The following ARHGEF3 variants were observed in gnomAD, a reference collection of about 807,000 sequenced individuals.
ARHGEF3 encodes the protein 59.8 kDA protein.
ARHGEF3 carries 28 observed loss-of-function variants against 63.2 expected under a neutral mutation model. The ratio of observed to expected loss-of-function variants is 0.44; its 90% CI spans 0.33 to 0.61. ARHGEF3 has a LOEUF of 0.61. ARHGEF3 is among the 20% of genes least tolerant of loss of function. The pLI is 0.03. For missense variants in ARHGEF3, 533 were observed against 659.3 expected (o/e 0.81, Z 2.10); for synonymous variants, 266 against 254.2 (o/e 1.05, Z -0.44).
chr3:56,967,869 T>TAC (rs1255458994), intron 2 of ARHGEF3, among the ~76,000 whole-genome samples: 2 of 71,052 alleles, frequency 2.8e-5, no homozygotes, highest in Non-Finnish European at 4.7e-5. Context: ...ATGACATATA[T>TAC]AATATATAAT....
rs1005597945 is a variant in ARHGEF3 at position 56,801,279 on chromosome 3, C to CA, written c.96+423dup. Among the ~76,000 whole-genome samples, 22 of 151,808 alleles carry CA rather than the reference C, an allele frequency of 1.4e-4. 1 individual carries two copies. The highest frequency in any genetic ancestry group is 5.9e-4 in the Admixed American group (9 of 15,252). On this transcript the variant is annotated intron_variant, in intron 1 of 9. Transcript: ENST00000296315. ...CGTCCCTCTGCTCTCACAACCCAGG[C>CA]AAAAAAAACTCGCTTAAAGGGTAGC...
At chr3:56,773,425 T>C (rs946130737) in intron 2 of ARHGEF3, among the ~76,000 whole-genome samples, 2 of 152,144 alleles carry the variant, frequency 1.3e-5, no homozygotes, top group African/African-American at 2.4e-5. Context: ...CCCATAGATA[T>C]TTTAGGAAAA....
In ARHGEF3 at chr3:56,916,554, A is replaced by G. The variant is rs2041995753; in HGVS notation, c.130-34200T>C. 6 of 1,257,492 alleles carry G rather than the reference A, an allele frequency of 4.8e-6. No individual in the cohort carries two copies. In the East Asian group the frequency reaches 1.5e-4, roughly 32 times the overall value. The allele number at this position is 1,257,492 out of a possible 1,614,324, so 77.9% of individuals were successfully genotyped here. On this transcript the variant is annotated intron_variant, in intron 3 of 12. Coordinates refer to the ARHGEF3 transcript ENST00000338458. Reference sequence around the variant, plus strand: ...TCAAGAGCTCCCCACCTCTCCTGCTACTGCTGCTTTTGCAGAGCACTCTTT... The same window carrying G: ...TCAAGAGCTCCCCACCTCTCCTGCTGCTGCTGCTTTTGCAGAGCACTCTTT...
At chr3:56,974,497 C>A (rs949544110) in intron 2 of ARHGEF3, among the ~76,000 whole-genome samples, 3 of 152,128 alleles carry the variant, frequency 2.0e-5, no homozygotes, top group African/African-American at 7.2e-5. Flanking sequence ...GTCAGCTGGT[C>A]TAATTAGCAA....
chr3:56,970,919 G>A (rs1300692131), intron 2 of ARHGEF3, among the ~76,000 whole-genome samples: 3 of 152,152 alleles, frequency 2.0e-5, no homozygotes, highest in African/African-American at 7.2e-5. Context: ...TAAAATGAAG[G>A]TACTAACAAG....
intron 2 of ARHGEF3, among the ~76,000 whole-genome samples, chr3:56,987,363 G>A (rs1279394477): frequency 2.0e-5 from 3 of 152,186 alleles, no homozygotes; most frequent in Non-Finnish European, 4.4e-5. Flanking sequence ...TCTGACTTCA[G>A]GGCTCCCCCT....
At chr3:56,915,768 A>C (rs574046490) in intron 3 of ARHGEF3, among the ~76,000 whole-genome samples, 1 of 152,286 alleles carries the variant, frequency 6.6e-6, no homozygotes, top group African/African-American at 2.4e-5. Flanking sequence ...GAAATCTACA[A>C]AACAGTTGCT....
intron 1 of ARHGEF3, among the ~76,000 whole-genome samples, chr3:57,050,196 A>G (rs1280857570): frequency 6.6e-6 from 1 of 152,194 alleles, no homozygotes; most frequent in East Asian, 1.9e-4. Flanking sequence ...CACCTGCAGT[A>G]TTGAAAATAC....
At chr3:56,852,187 G>A (rs114117073) in intron 4 of ARHGEF3, among the ~76,000 whole-genome samples, 2,423 of 152,226 alleles carry the variant, frequency 0.016, 66 homozygotes, top group African/African-American at 0.055. Flanking sequence ...AGAGCTATGG[G>A]TCATTCCGGA....
At chr3:56,842,983 C>T (rs2039367354) in intron 4 of ARHGEF3, among the ~76,000 whole-genome samples, 2 of 152,120 alleles carry the variant, frequency 1.3e-5, no homozygotes, top group South Asian at 2.1e-4. Context: ...TTAAAAAAAC[C>T]CTCAAACTTC....
chr3:56,940,757 G>C (rs760457203), intron 3 of ARHGEF3: 3 of 152,098 alleles, frequency 2.0e-5, no homozygotes, highest in Non-Finnish European at 4.4e-5. Flanking sequence ...AGGAATAAAG[G>C]AACCCTAGTT....
intron 4 of ARHGEF3, among the ~76,000 whole-genome samples, chr3:56,845,246 G>A (rs1559987010): frequency 1.3e-5 from 2 of 152,212 alleles, no homozygotes; most frequent in South Asian, 4.1e-4. Flanking sequence ...AGACCCTGAA[G>A]TAGTAGAAGG....
At chr3:57,077,921 T>C (rs1348901162) in intron 1 of ARHGEF3, among the ~76,000 whole-genome samples, 3 of 152,114 alleles carry the variant, frequency 2.0e-5, no homozygotes, top group African/African-American at 4.8e-5. Context: ...GGGAACACCA[T>C]GGCTACTGTG....
At chr3:56,898,997 T>C (rs564843828) in intron 3 of ARHGEF3, among the ~76,000 whole-genome samples, 5 of 152,176 alleles carry the variant, frequency 3.3e-5, no homozygotes, top group Non-Finnish European at 7.4e-5. Flanking sequence ...GAGGTTGCAG[T>C]GATCCGAGAT....
At chr3:56,767,583 CAAAAAAAAA>C (rs541314948) in intron 2 of ARHGEF3, among the ~76,000 whole-genome samples, 5 of 77,468 alleles carry the variant, frequency 6.5e-5, no homozygotes, top group Admixed American at 3.0e-4. Context: ...GACTCCGTCT[CAAAAAAAAA>C]AAAAAAAAAA....
intron 1 of ARHGEF3, among the ~76,000 whole-genome samples, chr3:57,042,700 A>ATTTTTTTTTTT (rs869145503): frequency 3.0e-5 from 2 of 66,134 alleles, no homozygotes; most frequent in African/African-American, 1.0e-4. Flanking sequence ...ATATATATAT[A>ATTTTTTTTTTT]TTTTTTTTTT....
At chr3:56,936,304 GA>G (rs1347502640) in intron 3 of ARHGEF3, among the ~76,000 whole-genome samples, 4 of 152,106 alleles carry the variant, frequency 2.6e-5, no homozygotes, top group Admixed American at 1.3e-4. Flanking sequence ...GAAGGGGAAT[GA>G]AACTGACCCA....
intron 4 of ARHGEF3, among the ~76,000 whole-genome samples, chr3:56,844,751 A>G (rs545163722): frequency 4.6e-5 from 7 of 152,270 alleles, no homozygotes; most frequent in Non-Finnish European, 4.4e-5. Flanking sequence ...GACAACCCCA[A>G]TGTTTTCTGG....
At chr3:56,749,882 G>GT (rs2034619351) in intron 6 of ARHGEF3, among the ~76,000 whole-genome samples, 1 of 150,052 alleles carries the variant, frequency 6.7e-6, no homozygotes, top group Non-Finnish European at 1.5e-5. Flanking sequence ...ATTGAGAAAC[G>GT]TAAGTTAAAA....
Sources: gnomAD v4.1 joint callset for allele counts (sites outside exome capture counted in the v4.1 genomes callset) on GRCh38, gnomAD v4.1.1 for gene constraint, MANE v1.5 for transcripts, NCBI Gene and HGNC (gene_info 2026-07-23, HGNC 2026-07-21) for gene names.